Variants in CFAP299 observed in about 807,000 individuals in gnomAD.
CFAP299 encodes cilia- and flagella-associated protein 299.
CFAP299 carries 21 observed loss-of-function variants against 27.0 expected under a neutral mutation model. The ratio of observed to expected loss-of-function variants is 0.78; its 90% CI spans 0.55 to 1.12. The LOEUF is 1.12. CFAP299 is among the 50% of genes most tolerant of loss of function. CFAP299 has a pLI of 0.00. For synonymous variants in CFAP299, 104 were observed against 98.1 expected, an observed-to-expected ratio of 1.06 and a Z score of -0.36; for missense variants, 310 against 276.6, an observed-to-expected ratio of 1.12 and a Z score of -0.86.
chr4:80,407,165 A>T (rs967180301), intron 2 of CFAP299, among the ~76,000 whole-genome samples: 13 of 149,318 alleles, frequency 8.7e-5, no homozygotes, highest in African/African-American at 3.2e-4. Flanking sequence ...GTATAGGTTT[A>T]AAAAAAAAAC....
rs1450470953 is a variant in CFAP299, at chr4:80,904,151, T to C, written c.476+34016T>C. Among the ~76,000 whole-genome samples, 4 of 152,306 alleles carry C rather than the reference T, an allele frequency of 2.6e-5. No homozygotes were observed. The East Asian group carries it at 7.7e-4, about 29-fold the overall frequency. On this transcript the variant is annotated intron_variant, in intron 4 of 5. Coordinates refer to ENST00000358105, the MANE Select transcript of CFAP299 (RefSeq NM_152770.3). ...ATTATTTTTGGAAATGTTACATGCA[T>C]AGCCCTCTGCCAGGTGTGATGTTCA...
intron 3 of CFAP299, among the ~76,000 whole-genome samples, chr4:80,642,420 T>A (rs1739771745): frequency 6.6e-6 from 1 of 152,168 alleles, no homozygotes; most frequent in Non-Finnish European, 1.5e-5. Context: ...TAAGAATTTC[T>A]GGGATCCACA....
chr4:80,788,191 C>G (rs1727353356), intron 3 of CFAP299, among the ~76,000 whole-genome samples: 2 of 152,044 alleles, frequency 1.3e-5, no homozygotes, highest in East Asian at 3.9e-4. Context: ...AGACTTTCCC[C>G]AACTCAAATG....
At chr4:80,353,045 A>G (rs1465151897) in intron 1 of CFAP299, among the ~76,000 whole-genome samples, 1 of 152,206 alleles carries the variant, frequency 6.6e-6, no homozygotes, top group Non-Finnish European at 1.5e-5. Context: ...GCAAGTAGAC[A>G]GAAGGAATAA....
intron 4 of CFAP299, among the ~76,000 whole-genome samples, chr4:80,938,696 C>A (rs184254537): frequency 6.6e-6 from 1 of 152,146 alleles, no homozygotes; most frequent in East Asian, 1.9e-4. Flanking sequence ...CTGAGCTGGC[C>A]TCGGCAATTC....
intron 3 of CFAP299, among the ~76,000 whole-genome samples, chr4:80,852,371 T>C (rs1731574925): frequency 6.6e-6 from 1 of 152,128 alleles, no homozygotes; most frequent in Non-Finnish European, 1.5e-5. Context: ...AGGTGATTCT[T>C]ATGTGTGATA....
chr4:80,476,957 A>ACGCG (rs1560584880), intron 2 of CFAP299, among the ~76,000 whole-genome samples: 2 of 118,866 alleles, frequency 1.7e-5, no homozygotes, highest in African/African-American at 8.1e-5. Context: ...GTGTGTGCGC[A>ACGCG]TGCGTGTGTG....
chr4:80,856,919 A>AT (rs1376485605), intron 3 of CFAP299, among the ~76,000 whole-genome samples: 1 of 151,786 alleles, frequency 6.6e-6, no homozygotes, highest in East Asian at 1.9e-4. Flanking sequence ...AGTTTAAAGT[A>AT]GTTTTTTCCA....
chr4:80,615,270 G>A (rs1738214575), intron 3 of CFAP299, among the ~76,000 whole-genome samples: 4 of 152,008 alleles, frequency 2.6e-5, no homozygotes, highest in African/African-American at 9.7e-5. Context: ...TTTAGAAATC[G>A]CCGGCTATCT....
intron 4 of CFAP299, among the ~76,000 whole-genome samples, chr4:80,885,456 A>G (rs1257848284): frequency 1.3e-5 from 2 of 152,126 alleles, no homozygotes; most frequent in Non-Finnish European, 2.9e-5. Context: ...CAGCAACAAA[A>G]GTGACTCCTT....
chr4:80,504,462 CATATATATATATATATATATATATATAT>C lies in CFAP299; in HGVS notation c.243-78614_243-78587del, dbSNP rs56729877. On this transcript the variant is annotated intron_variant, in intron 2 of 5. Coordinates refer to ENST00000358105, the MANE Select transcript of CFAP299 (RefSeq NM_152770.3). ...TACTGAAATTTTGCTTAAAATCTCA[CATATATATATATATATATATATATATAT>C]ATATATATATATATATTTTCCTTTG... Among the ~76,000 whole-genome samples the C allele has an allele frequency of 1.7e-3, 65 of 37,778 alleles. 1 individual carries two copies. Among genetic ancestry groups the C allele is most frequent in the Admixed American group, 7.9e-3 (15 of 1,890 alleles). 24.8% of individuals were successfully genotyped at this position (37,778 alleles called of 152,430 possible). A position where few individuals can be genotyped will look rare whatever the true frequency, so the allele number is the denominator to read the frequency against.
In CFAP299 at chr4:80,688,944, C is replaced by T. The variant is rs562934399; in HGVS notation, c.333+105761C>T. ...GATCAACTGGAAGAAAGGGTATCAG[C>T]GATGGAAGATGAAATGAATGAAATG... On this transcript the variant is annotated intron_variant, in intron 3 of 5. Coordinates refer to ENST00000358105, the MANE Select transcript of CFAP299 (RefSeq NM_152770.3). Among the ~76,000 whole-genome samples, 873 of 151,662 alleles carry T rather than the reference C, an allele frequency of 5.8e-3. 4 individuals carry two copies. The highest frequency in any genetic ancestry group is 0.02 in the African/African-American group (813 of 41,280).
At chr4:80,728,125 A>T (rs1560720411) in intron 3 of CFAP299, among the ~76,000 whole-genome samples, 2 of 152,092 alleles carry the variant, frequency 1.3e-5, no homozygotes, top group African/African-American at 4.8e-5. Flanking sequence ...AAAAGAAATG[A>T]TCCTCAGTAT....
At chr4:80,386,490 G>A (rs1560540590) in intron 2 of CFAP299, 1 of 1,546,532 alleles carries the variant, frequency 6.5e-7, no homozygotes. Context: ...GCGCGGGGCT[G>A]CCCTCTTCTC....
At chr4:80,409,702 A>T (rs147600195) in intron 2 of CFAP299, among the ~76,000 whole-genome samples, 20 of 152,276 alleles carry the variant, frequency 1.3e-4, no homozygotes, top group Admixed American at 6.5e-4. Context: ...TCCAAATTTG[A>T]TCCTTATTGA....
At chr4:80,384,599 A>T (rs1202937439) in intron 2 of CFAP299, among the ~76,000 whole-genome samples, 1 of 152,192 alleles carries the variant, frequency 6.6e-6, no homozygotes, top group East Asian at 1.9e-4. Flanking sequence ...TAAGAGGAAA[A>T]ACACCTATTT....
chr4:80,873,283 T>C (rs986123195), intron 4 of CFAP299, among the ~76,000 whole-genome samples: 2 of 152,174 alleles, frequency 1.3e-5, no homozygotes, highest in Admixed American at 6.5e-5. Context: ...TTTTATTCTA[T>C]GCAGAGACAA....
At chr4:80,506,082 C>T (rs983542448) in intron 2 of CFAP299, among the ~76,000 whole-genome samples, 2 of 151,498 alleles carry the variant, frequency 1.3e-5, no homozygotes, top group East Asian at 3.9e-4. Context: ...TATTTTGTCC[C>T]TTTTTTTCTG....
chr4:80,640,248 T>C (rs1279215984), intron 3 of CFAP299, among the ~76,000 whole-genome samples: 3 of 151,986 alleles, frequency 2.0e-5, no homozygotes, highest in African/African-American at 7.3e-5. Flanking sequence ...GCTGGGGAAA[T>C]GGTAAGTCGT....
Sources: allele counts gnomAD v4.1 joint callset (sites outside exome capture counted in the v4.1 genomes callset), GRCh38; gene constraint gnomAD v4.1.1; transcripts MANE v1.5; gene names NCBI Gene and HGNC (gene_info 2026-07-23, HGNC 2026-07-21).